The following B4GALT1 variants were observed in gnomAD, a reference collection of about 807,000 sequenced individuals.
B4GALT1 encodes N-acetyllactosamine synthase.
B4GALT1 carries 16 observed loss-of-function variants against 34.9 expected under a neutral mutation model. The observed-to-expected ratio is 0.46, with a 90% CI of 0.31 to 0.70. The LOEUF (loss-of-function observed/expected upper bound fraction) is 0.70, where lower values mean the gene tolerates loss of function less well. Among genes scored for constraint, B4GALT1 ranks in the 30% least tolerant of loss-of-function variants. The probability of loss-of-function intolerance (pLI) is 0.05; values close to 1 mark genes in which losing one functional copy is unlikely to be tolerated. For missense variants in B4GALT1, 445 were observed against 530.5 expected, an observed-to-expected ratio of 0.84 and a Z score of 1.58; for synonymous variants, 221 against 218.1, an observed-to-expected ratio of 1.01 and a Z score of -0.12.
At chr9:33,117,221 C>T (rs1179605304) in intron 3 of B4GALT1, among the ~76,000 whole-genome samples, 2 of 152,212 alleles carry the variant, frequency 1.3e-5, no homozygotes. Context: ...AGAACACTGG[C>T]CCTAACAGTT....
chr9:33,140,009 G>T (rs1840326144), intron 1 of B4GALT1, among the ~76,000 whole-genome samples: 1 of 152,258 alleles, frequency 6.6e-6, no homozygotes, highest in Non-Finnish European at 1.5e-5. Flanking sequence ...CCAGGTCATG[G>T]CCTTGCATGT....
In B4GALT1 at chr9:33,127,895, CGA is replaced by C. The variant is rs1052276610; in HGVS notation, c.649-7291_649-7290del. 5.8e-4 allele frequency among the ~76,000 whole-genome samples: 89 copies of C among 152,316 alleles called. 1 individual carries two copies. Among genetic ancestry groups the C allele is most frequent in the African/African-American group, 1.7e-3 (69 of 41,580 alleles). On this transcript the variant is annotated intron_variant, in intron 2 of 5. Coordinates refer to ENST00000379731, the MANE Select transcript of B4GALT1 (RefSeq NM_001497.4). ...TGGCTTCCAGCAACCTCAGCATTTC[CGA>C]GAGAGCCCACAGAGGCCCTGGTCTT...
chr9:33,176,929 C>T, the B4GALT1 span, among the ~76,000 whole-genome samples: 4 of 151,932 alleles, frequency 2.6e-5, no homozygotes, highest in East Asian at 3.9e-4. Flanking sequence ...ATTTGAGAAA[C>T]GGCAACAAAA....
chr9:33,104,919 A>G (rs763003939), intron 2 of B4GALT1: 62 of 364,908 alleles, frequency 1.7e-4, no homozygotes, highest in African/African-American at 1.2e-3. Flanking sequence ...TCTTGGGTTC[A>G]AACAATTCTC....
In B4GALT1 at chr9:33,135,270, C is replaced by T. The variant is rs1443665544; in HGVS notation, c.567G>A (p.Glu189=). 6.2e-7 allele frequency: 1 copy of T among 1,614,196 alleles called. No individual in the cohort carries two copies. Among genetic ancestry groups the T allele is most frequent in the South Asian group, 1.1e-5 (1 of 91,084 alleles). ...AIIIPFRNRQ[E]HLKYWLYYLH... ...AATAATATAGCCAGTACTTGAGGTG[C>T]TCCTGCCGGTTGCGGAATGGAATGA... is the stretch of plus-strand genomic sequence containing the variant. The change falls in exon 2 of 6, where the codon GAG becomes GAA. Residue 189 remains glutamate (E), a synonymous_variant. Transcript: ENST00000379731.
the B4GALT1 span, among the ~76,000 whole-genome samples, chr9:33,175,020 T>TATATATATATATAAAA: frequency 3.1e-4 from 12 of 39,062 alleles, no homozygotes; most frequent in South Asian, 1.3e-3. Context: ...TATATATATA[T>TATATATATATATAAAA]AAAATTGGAG....
At chr9:33,158,934 A>G (rs1390820323) in intron 1 of B4GALT1, among the ~76,000 whole-genome samples, 1 of 152,062 alleles carries the variant, frequency 6.6e-6, no homozygotes, top group East Asian at 1.9e-4. Flanking sequence ...TCCTGGGGGG[A>G]GGGGGTCTCT....
At chr9:33,135,911 A>ATGTG (rs34931533) in intron 1 of B4GALT1, among the ~76,000 whole-genome samples, 5,003 of 135,728 alleles carry the variant, frequency 0.037, 128 homozygotes, top group African/African-American at 0.071. Context: ...GTGTGTGTGT[A>ATGTG]TGTGTGTGTG....
chr9:33,136,621 C>T (rs1220087888), intron 1 of B4GALT1, among the ~76,000 whole-genome samples: 1 of 152,200 alleles, frequency 6.6e-6, no homozygotes, highest in African/African-American at 2.4e-5. Context: ...CGAAAAACCC[C>T]CTTCGTTATA....
chr9:33,131,553 A>G (rs1362090396), intron 2 of B4GALT1, among the ~76,000 whole-genome samples: 2 of 152,184 alleles, frequency 1.3e-5, no homozygotes, highest in East Asian at 3.8e-4. Context: ...TTTGAGCATT[A>G]CTTCTGTCTA....
intron 2 of B4GALT1, among the ~76,000 whole-genome samples, chr9:33,105,540 T>G (rs1401295529): frequency 6.6e-6 from 1 of 152,178 alleles, no homozygotes; most frequent in Admixed American, 6.5e-5. Context: ...TACATTCATA[T>G]TGTTGCACCA....
At chr9:33,138,297 G>C (rs1587739398) in intron 1 of B4GALT1, among the ~76,000 whole-genome samples, 1 of 152,328 alleles carries the variant, frequency 6.6e-6, no homozygotes, top group East Asian at 1.9e-4. Flanking sequence ...TATCCTGAGA[G>C]TGGATAGTAC....
intron 5 of B4GALT1, 28 bp downstream of exon 5, chr9:33,113,746 A>C: frequency 6.2e-7 from 1 of 1,612,112 alleles, no homozygotes; most frequent in Non-Finnish European, 8.5e-7. Flanking sequence ...CTAAAGGGGG[A>C]AGGAGTATGA....
At chr9:33,139,487 G>A (rs1840317588) in intron 1 of B4GALT1, among the ~76,000 whole-genome samples, 1 of 152,144 alleles carries the variant, frequency 6.6e-6, no homozygotes, top group African/African-American at 2.4e-5. Flanking sequence ...ACAACTCTAA[G>A]GATCTTGCAG....
At chr9:33,137,883 A>G (rs1840293619) in intron 1 of B4GALT1, among the ~76,000 whole-genome samples, 1 of 152,168 alleles carries the variant, frequency 6.6e-6, no homozygotes, top group Non-Finnish European at 1.5e-5. Flanking sequence ...GGCAAAGGCT[A>G]CTGGGGGGGC....
chr9:33,170,589 G>A (rs540215495), upstream of B4GALT1, among the ~76,000 whole-genome samples: 51 of 152,286 alleles, frequency 3.3e-4, no homozygotes, highest in African/African-American at 1.2e-3. Context: ...CAGGACACAC[G>A]TGGCCAGAAA....
chr9:33,166,853 G>C lies in B4GALT1; in HGVS notation c.317C>G (p.Ser106Cys). The change falls in exon 1 of 6, where the codon TCT (serine) becomes TGT (cysteine). Residue 106 changes from serine to cysteine, a missense_variant. Physicochemically the swap from Ser to Cys is moderately radical, Grantham distance 112 (BLOSUM62 -1). Transcript: ENST00000379731. ...CAAGTTGCTAGCGGGGCCAGGGCCA[G>C]AATCCACGACTGGGCTGGAGTCGCC... The part of the protein sequence containing the change: ...PGGDSSPVVD[S>C]GPGPASNLTS... 1 of 1,568,252 alleles carries C rather than the reference G, an allele frequency of 6.4e-7. No homozygotes were observed. The highest frequency in any genetic ancestry group is 1.7e-4 in the Middle Eastern group (1 of 5,890).
rs755556969 is a variant in B4GALT1 at position 33,119,203 on chromosome 9, C to T, written c.836+1216G>A. Among the ~76,000 whole-genome samples the T allele has an allele frequency of 3.9e-5, 6 of 152,062 alleles. No individual in the cohort carries two copies. The East Asian group carries it at 5.8e-4, about 15-fold the overall frequency. ...AAACACTTTTATGTTAATATAAACA[C>T]GGAATTAGGAAACAATATACAAGTT... On this transcript the variant is annotated intron_variant, in intron 3 of 5. Transcript: ENST00000379731.
downstream of B4GALT1, among the ~76,000 whole-genome samples, chr9:33,105,845 T>C (rs187196205): frequency 2.6e-5 from 4 of 150,978 alleles, no homozygotes; most frequent in Admixed American, 2.6e-4. Flanking sequence ...TGTATGTATA[T>C]ACCGCCTTTT....
Sources: allele counts gnomAD v4.1 joint callset (sites outside exome capture counted in the v4.1 genomes callset), GRCh38; gene constraint gnomAD v4.1.1; transcripts MANE v1.5; gene names NCBI Gene and HGNC (gene_info 2026-07-23, HGNC 2026-07-21).